ABI3BP: variants seen among roughly 807,000 people sequenced by gnomAD.
ABI3BP encodes the protein target of Nesh-SH3.
ABI3BP carries 216 observed loss-of-function variants against 268.6 expected under a neutral mutation model. That is an observed-to-expected ratio of 0.80 (90% CI 0.72 to 0.90). ABI3BP has a LOEUF of 0.90. ABI3BP is among the 40% of genes least tolerant of loss of function. The pLI is 0.00. For missense variants in ABI3BP, 2,090 were observed against 2,182.4 expected (o/e 0.96, Z 0.84); for synonymous variants, 730 against 730.0 (o/e 1.00, Z 0.00).
At chr3:100,802,785 C>CGTCACTCAAATCTACTGTTATCT (rs764659106) in intron 51 of ABI3BP, among the ~76,000 whole-genome samples, 1 of 147,742 alleles carries the variant, frequency 6.8e-6, no homozygotes, top group Non-Finnish European at 1.5e-5. Context: ...CTACCTTTTA[C>CGTCACTCAAATCTACTGTTATCT]ATTTTTAGAC....
At chr3:100,925,240 C>T (rs964361415) in intron 2 of ABI3BP, among the ~76,000 whole-genome samples, 1 of 152,092 alleles carries the variant, frequency 6.6e-6, no homozygotes, top group Non-Finnish European at 1.5e-5. Context: ...ACATTCCCTG[C>T]ATATTATCAG....
At chr3:100,990,090 G>A (rs1038406389) in intron 1 of ABI3BP, among the ~76,000 whole-genome samples, 2 of 152,140 alleles carry the variant, frequency 1.3e-5, no homozygotes, top group African/African-American at 4.8e-5. Context: ...CTCCCTTGTT[G>A]CCACGTAGAA....
chr3:100,827,764 AAT>A (rs1261731725), intron 34 of ABI3BP, among the ~76,000 whole-genome samples: 1 of 152,146 alleles, frequency 6.6e-6, no homozygotes, highest in African/African-American at 2.4e-5. Context: ...ACTTAGGATT[AAT>A]ATGTTTATCA....
chr3:100,885,966 T>C (rs528080645), intron 5 of ABI3BP, among the ~76,000 whole-genome samples, 176 bp downstream of exon 5: 1 of 152,190 alleles, frequency 6.6e-6, no homozygotes, highest in East Asian at 1.9e-4. Flanking sequence ...CACTTATAAC[T>C]AAAGATTCTG....
At chr3:100,839,051 T>C (rs1056313022) in intron 24 of ABI3BP, among the ~76,000 whole-genome samples, 10 of 152,218 alleles carry the variant, frequency 6.6e-5, no homozygotes, top group African/African-American at 2.4e-4. Flanking sequence ...TAGTTTTACA[T>C]TGGATTCTAG....
intron 58 of ABI3BP, among the ~76,000 whole-genome samples, chr3:100,779,416 T>A (rs1409951942): frequency 2.0e-5 from 3 of 152,234 alleles, no homozygotes; most frequent in African/African-American, 7.2e-5. Context: ...AACAGGCACC[T>A]TTTTATAATT....
chr3:100,978,211 C>T (rs1354855288), intron 1 of ABI3BP, among the ~76,000 whole-genome samples: 2 of 152,170 alleles, frequency 1.3e-5, no homozygotes, highest in African/African-American at 4.8e-5. Context: ...AGTGTCATAG[C>T]TAATGCTCAA....
intron 1 of ABI3BP, among the ~76,000 whole-genome samples, chr3:100,965,454 A>C (rs2080908062): frequency 6.6e-6 from 1 of 152,082 alleles, no homozygotes; most frequent in Admixed American, 6.6e-5. Flanking sequence ...ATCCTATTAA[A>C]TTTGTTACAG....
intron 1 of ABI3BP, among the ~76,000 whole-genome samples, chr3:100,938,694 G>A (rs907416313): frequency 1.5e-4 from 23 of 152,082 alleles, no homozygotes; most frequent in African/African-American, 4.6e-4. Flanking sequence ...ATACTTTAAG[G>A]AGAATGAAAA....
intron 38 of ABI3BP, among the ~76,000 whole-genome samples, 186 bp from the exon 39 acceptor site, chr3:100,821,299 T>A (rs149626049): frequency 7.7e-4 from 118 of 152,324 alleles, no homozygotes; most frequent in African/African-American, 2.8e-3. Context: ...CTAACTCAGG[T>A]ACCTATTTCC....
chr3:100,829,260 T>C (rs138966607), intron 33 of ABI3BP, among the ~76,000 whole-genome samples: 1 of 152,246 alleles, frequency 6.6e-6, no homozygotes, highest in East Asian at 1.9e-4. Flanking sequence ...CTGCCTTAGA[T>C]CCTTATTTGT....
rs769120637 is a variant in ABI3BP, at chr3:100,796,484, T to G, written c.3758-16A>C. 2.5e-6 allele frequency: 4 copies of G among 1,589,602 alleles called. No individual in the cohort carries two copies. The highest frequency in any genetic ancestry group is 2.6e-6 in the Non-Finnish European group (3 of 1,164,696). ...TCTTTTGGAGCTGAAAGAAAAAGATTATAAAACACTGCATACTCTAAATAA... is the reference window on the plus strand; with the variant it reads ...TCTTTTGGAGCTGAAAGAAAAAGATGATAAAACACTGCATACTCTAAATAA... On this transcript the variant is annotated splice_polypyrimidine_tract_variant and intron_variant, in intron 51 of 67. Coordinates refer to ENST00000471714, the MANE Select transcript of ABI3BP (RefSeq NM_001375547.2).
At chr3:100,758,116 A>T (rs2095729031) in intron 63 of ABI3BP, among the ~76,000 whole-genome samples, 1 of 152,022 alleles carries the variant, frequency 6.6e-6, no homozygotes, top group Non-Finnish European at 1.5e-5. Flanking sequence ...AAACAAAAAA[A>T]AAACAATCTT....
Position 100,993,282 on chromosome 3 carries a change from A to T in ABI3BP, c.79+24T>A. The T allele has an allele frequency of 3.4e-6, 5 of 1,464,884 alleles. No homozygotes were observed. The South Asian group carries it at 4.9e-5, about 14-fold the overall frequency. The allele number at this position is 1,464,884 out of a possible 1,614,324, so 90.7% of individuals were successfully genotyped here. On this transcript the variant is annotated intron_variant, in intron 1 of 67. Transcript: ENST00000471714. ...ATCTATATCTTAATATTATTTTTAA[A>T]ACATAAAACATCAGGCTACTTGCCT... is the stretch of plus-strand genomic sequence containing the variant.
chr3:100,939,387 T>C (rs144852103), intron 1 of ABI3BP, among the ~76,000 whole-genome samples: 1 of 151,686 alleles, frequency 6.6e-6, no homozygotes, highest in South Asian at 2.1e-4. Context: ...CCTGCCCCAA[T>C]AGTCATGTAG....
At chr3:100,753,308 T>G (rs1389155802) in intron 65 of ABI3BP, among the ~76,000 whole-genome samples, 1 of 151,936 alleles carries the variant, frequency 6.6e-6, no homozygotes, top group African/African-American at 2.4e-5. Context: ...TAATATCTTT[T>G]TTTTTTTTTG....
At chr3:100,988,785 A>T (rs1456637466) in intron 1 of ABI3BP, among the ~76,000 whole-genome samples, 1 of 152,214 alleles carries the variant, frequency 6.6e-6, no homozygotes, top group African/African-American at 2.4e-5. Flanking sequence ...GTATACATCC[A>T]ATATAATTTG....
Position 100,973,351 on chromosome 3 carries a change from A to G in ABI3BP, c.79+19955T>C, listed in dbSNP as rs1441280918. Among the ~76,000 whole-genome samples the G allele has an allele frequency of 2.0e-5, 3 of 152,334 alleles. No individual in the cohort carries two copies. In the East Asian group the frequency reaches 5.8e-4, roughly 29 times the overall value. ...CAGGAATCCAACTCCATATTTCCCC[A>G]TAGAAACAACGGTTTGGCTAATTTG... On this transcript the variant is annotated intron_variant, in intron 1 of 67. Coordinates refer to ENST00000471714, the MANE Select transcript of ABI3BP (RefSeq NM_001375547.2).
intron 35 of ABI3BP, 85 bp downstream of exon 35, chr3:100,825,700 A>G (rs1447323039): frequency 1.9e-6 from 2 of 1,031,126 alleles, no homozygotes; most frequent in Non-Finnish European, 2.9e-6. Context: ...AAGACATGCC[A>G]TGTTATAGGG....
Sources: gnomAD v4.1 joint callset for allele counts (sites outside exome capture counted in the v4.1 genomes callset) on GRCh38, gnomAD v4.1.1 for gene constraint, MANE v1.5 for transcripts, NCBI Gene and HGNC (gene_info 2026-07-23, HGNC 2026-07-21) for gene names.